The following EYS variants were observed in gnomAD, a reference collection of about 807,000 sequenced individuals.
EYS encodes the protein EGF-like photoreceptor maintenance factor.
Under a neutral mutation model 282.1 loss-of-function variants are expected in EYS, and 250 were observed. The observed-to-expected ratio is 0.89, with a 90% confidence interval of 0.80 to 0.98. EYS has a LOEUF of 0.98. Ranked by LOEUF, EYS falls within the 50% of genes least tolerant of loss-of-function variation. The pLI, the probability that EYS is intolerant of heterozygous loss-of-function variation, is 0.00. For synonymous variants in EYS, 1,355 were observed against 1,282.9 expected, an observed-to-expected ratio of 1.06 and a Z score of -1.20; for missense variants, 4,016 against 3,709.0, an observed-to-expected ratio of 1.08 and a Z score of -2.15.
intron 24 of EYS, among the ~76,000 whole-genome samples, chr6:64,611,383 C>G (rs183310418): frequency 6.6e-6 from 1 of 152,260 alleles, no homozygotes; most frequent in Admixed American, 6.5e-5. Context: ...CTAACGACTA[C>G]TTTACTCAGA....
intron 11 of EYS, among the ~76,000 whole-genome samples, chr6:65,316,496 T>C (rs1251888177): frequency 2.0e-5 from 3 of 150,380 alleles, no homozygotes. Context: ...AAATTATTTT[T>C]ATACTTTAAG....
At chr6:64,441,938 T>C (rs542725377) in intron 26 of EYS, among the ~76,000 whole-genome samples, 1 of 152,260 alleles carries the variant, frequency 6.6e-6, no homozygotes, top group Admixed American at 6.5e-5. Flanking sequence ...AGTAAATTGG[T>C]ACCAGTAGAG....
chr6:64,530,981 C>T lies in EYS; in HGVS notation c.5644+59242G>A, dbSNP rs957459581. 3.3e-5 allele frequency among the ~76,000 whole-genome samples: 5 copies of T among 152,196 alleles called. No homozygotes were observed. The East Asian group carries it at 7.7e-4, about 24-fold the overall frequency. On this transcript the variant is annotated intron_variant, in intron 26 of 42. Transcript: ENST00000503581. ...GTTCTTCTGACACCCCACCTCTAAC[C>T]TTTGATATGCCGGTAAAATTGGAGA...
intron 33 of EYS, among the ~76,000 whole-genome samples, chr6:64,043,207 A>G (rs1770469018): frequency 6.6e-6 from 1 of 152,230 alleles, no homozygotes; most frequent in African/African-American, 2.4e-5. Context: ...TCAATTTTAT[A>G]AAAGATTGAA....
chr6:65,417,384 G>A (rs1767280327), intron 5 of EYS, among the ~76,000 whole-genome samples: 1 of 151,992 alleles, frequency 6.6e-6, no homozygotes, highest in Non-Finnish European at 1.5e-5. Flanking sequence ...TGAAAGTTTA[G>A]CAGTTAAAAG....
intron 2 of EYS, among the ~76,000 whole-genome samples, chr6:65,525,641 T>C (rs1767527492): frequency 6.6e-6 from 1 of 152,232 alleles, no homozygotes; most frequent in Non-Finnish European, 1.5e-5. Flanking sequence ...GAGTACGGCA[T>C]TTGACATGAA....
chr6:63,956,223 A>G (rs1462913618), intron 35 of EYS, among the ~76,000 whole-genome samples: 1 of 152,172 alleles, frequency 6.6e-6, no homozygotes, highest in African/African-American at 2.4e-5. Flanking sequence ...CTGAAGAATC[A>G]CAAAAGAAGT....
Position 64,339,587 on chromosome 6 carries a change from G to A in EYS, c.6079-32505C>T, listed in dbSNP as rs557487707. Reference sequence around the variant, plus strand: ...ACAGTGTGGAGATTCTTTAAAGAACGAAAAGTAGAACTACCATTTGATCCG... The same window carrying A: ...ACAGTGTGGAGATTCTTTAAAGAACAAAAAGTAGAACTACCATTTGATCCG... On this transcript the variant is annotated intron_variant, in intron 29 of 42. Transcript: ENST00000503581. 1.5e-3 allele frequency among the ~76,000 whole-genome samples: 223 copies of A among 151,898 alleles called. 2 individuals carry two copies. Among genetic ancestry groups the A allele is most frequent in the African/African-American group, 4.6e-3 (189 of 41,500 alleles).
rs151064277 is a variant in EYS at position 65,456,012 on chromosome 6, AGAAG to A, written c.862+34578_862+34581del. Among the ~76,000 whole-genome samples, 115 of 101,684 alleles carry A rather than the reference AGAAG, an allele frequency of 1.1e-3. 1 individual carries two copies. Among genetic ancestry groups the A allele is most frequent in the African/African-American group, 2.9e-3 (108 of 37,828 alleles). The allele number at this position is 101,684 out of a possible 152,430, so 66.7% of individuals were successfully genotyped here. A position where few individuals can be genotyped will look rare whatever the true frequency, so the allele number is the denominator to read the frequency against. On this transcript the variant is annotated intron_variant, in intron 5 of 42. Coordinates refer to ENST00000503581, the MANE Select transcript of EYS (RefSeq NM_001142800.2). Reference sequence around the variant, plus strand: ...GAGAGAGAGAAAGAAAAAGAAAGAAAGAAGGAAGGAAGGAAGGGAAGAAAGAAAG... The same window carrying A: ...GAGAGAGAGAAAGAAAAAGAAAGAAAGAAGGAAGGAAGGGAAGAAAGAAAG...
At chr6:64,310,775 AGAG>A (rs1769663764) in intron 29 of EYS, among the ~76,000 whole-genome samples, 1 of 29,046 alleles carries the variant, frequency 3.4e-5, no homozygotes, top group African/African-American at 6.6e-5. Flanking sequence ...GTGAAAAAAA[AGAG>A]AGAGAGAGAA....
intron 12 of EYS, among the ~76,000 whole-genome samples, chr6:65,136,231 G>A (rs1776020098): frequency 6.6e-6 from 1 of 151,744 alleles, no homozygotes; most frequent in South Asian, 2.1e-4. Context: ...AGCCATAGAG[G>A]GATATGTGTA....
At chr6:64,296,541 AATATATATATATATAT>A (rs1211614579) in intron 30 of EYS, among the ~76,000 whole-genome samples, 63 of 15,696 alleles carry the variant, frequency 4.0e-3, no homozygotes, top group African/African-American at 0.011. Flanking sequence ...GTACTGGCAG[AATATATATATATATAT>A]ATATATATAT....
At chr6:65,151,342 T>A (rs563335982) in intron 12 of EYS, among the ~76,000 whole-genome samples, 1 of 151,794 alleles carries the variant, frequency 6.6e-6, no homozygotes, top group African/African-American at 2.4e-5. Flanking sequence ...GAAGGAGAGA[T>A]AATTGGGCAG....
intron 31 of EYS, among the ~76,000 whole-genome samples, chr6:64,151,257 T>C (rs1005900851): frequency 2.8e-5 from 4 of 142,534 alleles, no homozygotes; most frequent in African/African-American, 1.1e-4. Flanking sequence ...TGATATATAC[T>C]TCAGTGAAAA....
intron 26 of EYS, among the ~76,000 whole-genome samples, chr6:64,540,059 T>C (rs1764650970): frequency 6.6e-6 from 1 of 152,192 alleles, no homozygotes; most frequent in East Asian, 1.9e-4. Flanking sequence ...AGCCTGTCTT[T>C]TCAGCTTCAC....
intron 16 of EYS, among the ~76,000 whole-genome samples, chr6:64,908,123 A>G (rs1767886011): frequency 6.6e-6 from 1 of 152,092 alleles, no homozygotes; most frequent in Admixed American, 6.5e-5. Context: ...GTGATGCAGG[A>G]TTTTTCTCAG....
intron 23 of EYS, among the ~76,000 whole-genome samples, chr6:64,620,864 T>G (rs1344203447): frequency 6.6e-6 from 1 of 152,174 alleles, no homozygotes; most frequent in African/African-American, 2.4e-5. Context: ...AGTAATCAAA[T>G]TATTATGGTG....
chr6:64,530,551 G>A (rs1259487129), intron 26 of EYS, among the ~76,000 whole-genome samples: 2 of 151,892 alleles, frequency 1.3e-5, no homozygotes, highest in African/African-American at 4.8e-5. Flanking sequence ...TTAATAACTT[G>A]GAGATTTATA....
At chr6:65,099,107 C>T (rs914368890) in intron 12 of EYS, among the ~76,000 whole-genome samples, 1 of 150,374 alleles carries the variant, frequency 6.7e-6, no homozygotes, top group Non-Finnish European at 1.5e-5. Flanking sequence ...TATACATAAA[C>T]ACACACACAC....
Sources: allele counts gnomAD v4.1 joint callset (sites outside exome capture counted in the v4.1 genomes callset), GRCh38; gene constraint gnomAD v4.1.1; transcripts MANE v1.5; gene names NCBI Gene and HGNC (gene_info 2026-07-23, HGNC 2026-07-21).